The following ARHGAP4 variants were observed in gnomAD, a reference collection of about 807,000 sequenced individuals.
The protein encoded by ARHGAP4 is Rho GTPase activating protein 4, also known as rho GTPase-activating protein 4.
A neutral mutation model predicts 67.6 loss-of-function variants in ARHGAP4; 25 were observed. The ratio of observed to expected loss-of-function variants is 0.37; its 90% CI spans 0.27 to 0.52. The LOEUF (loss-of-function observed/expected upper bound fraction) is 0.52. Among genes scored for constraint, ARHGAP4 ranks in the 20% least tolerant of loss-of-function variants. The pLI is 0.92. For synonymous variants in ARHGAP4, 448 were observed against 373.7 expected, an observed-to-expected ratio of 1.20 and a Z score of -2.29; for missense variants, 804 against 854.6, an observed-to-expected ratio of 0.94 and a Z score of 0.74.
rs1557102054 is a variant in ARHGAP4, at chrX:153,909,184, G to A, written c.2508-15C>T. ...ATGGCTCTGGCCTGCAGGACAGACA[G>A]GGAGCCTGGTGGGGGCCCTGGGAAG... On this transcript the variant is annotated splice_polypyrimidine_tract_variant and intron_variant, in intron 20 of 21. Coordinates refer to ENST00000350060, the MANE Select transcript of ARHGAP4 (RefSeq NM_001666.5). 8.4e-7 allele frequency: 1 copy of A among 1,189,562 alleles called. No individual in the cohort carries two copies. Among genetic ancestry groups the A allele is most frequent in the Non-Finnish European group, 1.1e-6 (1 of 881,598 alleles).
intron 21 of ARHGAP4, 55 bp downstream of exon 21, chrX:153,909,015 G>C: frequency 8.7e-7 from 1 of 1,145,737 alleles, no homozygotes; most frequent in Admixed American, 2.2e-5. Flanking sequence ...CTTCCAAGGG[G>C]AGGCAGAGAT....
Position 153,910,739 on chromosome X carries a change from A to C in ARHGAP4, c.1777T>G (p.Phe593Val). The part of the protein sequence containing the change: ...LYFRSLEPPL[F>V]PPDLFGELLA... The stretch of plus-strand genomic sequence containing the variant: ...AGCTCGCCGAACAGGTCTGGGGGGA[A>C]GAGTGGGGGCTCCAGGCTCCGGAAG... The change falls in exon 15 of 22, where the codon TTC becomes GTC. Residue 593 changes from phenylalanine to valine, a missense_variant. Transcript: ENST00000350060. 8.4e-7 allele frequency: 1 copy of C among 1,194,400 alleles called. No individual in the cohort carries two copies. Among genetic ancestry groups the C allele is most frequent in the East Asian group, 3.0e-5 (1 of 33,052 alleles).
chrX:153,909,050 T>C lies in ARHGAP4; in HGVS notation c.2607+20A>G, dbSNP rs781897609. On this transcript the variant is annotated intron_variant, in intron 21 of 21. Transcript: ENST00000350060. Reference sequence around the variant, plus strand: ...TCCCCCAGGACAGATGTCCCTCACCTGCCACACACCCACTCTCACCTTATC... The same window carrying C: ...TCCCCCAGGACAGATGTCCCTCACCCGCCACACACCCACTCTCACCTTATC... 5 of 1,200,348 alleles carry C rather than the reference T, an allele frequency of 4.2e-6. No homozygotes were observed. In the African/African-American group the frequency reaches 8.7e-5, roughly 21 times the overall value.
chrX:153,926,000 C>T, intron 1 of ARHGAP4, 136 bp downstream of exon 1: 1 of 911,493 alleles, frequency 1.1e-6, no homozygotes, highest in Non-Finnish European at 1.5e-6. Context: ...GGGGCTCAGG[C>T]TCCCTCCTCC....
rs1424219597 is a variant in ARHGAP4 at position 153,923,737 on chromosome X, T to C, written c.68-1928A>G. ...CAAGGCCAGGTGGGGTGGGCGCTAATGCCATTTGAAATCAGGAGAGTCCTC... is the reference window on the plus strand; with the variant it reads ...CAAGGCCAGGTGGGGTGGGCGCTAACGCCATTTGAAATCAGGAGAGTCCTC... On this transcript the variant is annotated intron_variant, in intron 1 of 21. Coordinates refer to ENST00000350060, the MANE Select transcript of ARHGAP4 (RefSeq NM_001666.5). Among the ~76,000 whole-genome samples, 3 of 112,893 alleles carry C rather than the reference T, an allele frequency of 2.7e-5. No homozygotes were observed. The Admixed American group carries it at 2.8e-4, about 11-fold the overall frequency.
chrX:153,909,672 G>C, intron 19 of ARHGAP4, 69 bp downstream of exon 19: 2 of 1,111,524 alleles, frequency 1.8e-6, no homozygotes, highest in South Asian at 2.2e-5. Flanking sequence ...ATCTAACTTG[G>C]GGTCGGGGGA....
chrX:153,920,015 GA>G (rs1557104925), intron 5 of ARHGAP4, among the ~76,000 whole-genome samples: 1 of 111,469 alleles, frequency 9.0e-6, no homozygotes, highest in Non-Finnish European at 1.9e-5. Context: ...TTGAACTCCT[GA>G]CTTCGTGATC....
At chrX:153,926,081 C>T in intron 1 of ARHGAP4, 55 bp downstream of exon 1, 1 of 1,181,558 alleles carries the variant, frequency 8.5e-7, no homozygotes, top group Non-Finnish European at 1.1e-6. Flanking sequence ...GGAGCTCCCT[C>T]ACGACCTTGG....
chrX:153,909,957 G>A (rs146242010), intron 18 of ARHGAP4, 33 bp from the exon 19 acceptor site: 6 of 1,209,203 alleles, frequency 5.0e-6, no homozygotes, highest in Non-Finnish European at 3.4e-6. Context: ...GCTGTGGGAG[G>A]GGGTGTGGAC....
intron 13 of ARHGAP4, 42 bp downstream of exon 13, chrX:153,911,087 T>C (rs2065017641): frequency 1.7e-6 from 2 of 1,163,525 alleles, no homozygotes; most frequent in Non-Finnish European, 2.3e-6. Flanking sequence ...GGGAACTGGG[T>C]GCTGGGTGCC....
rs2065007117 is a variant in ARHGAP4, at chrX:153,910,098, G to T, written c.2157-13C>A. 4 of 1,210,678 alleles carry T rather than the reference G, an allele frequency of 3.3e-6. No homozygotes were observed. The highest frequency in any genetic ancestry group is 1.8e-5 in the South Asian group (1 of 56,888). ...CAGCTGGGCGTCCCTGAGGTTCAGGGCAGAGCGAGGCAGATGAGGGGGGCT... is the reference window on the plus strand; with the variant it reads ...CAGCTGGGCGTCCCTGAGGTTCAGGTCAGAGCGAGGCAGATGAGGGGGGCT... On this transcript the variant is annotated splice_polypyrimidine_tract_variant and intron_variant, in intron 17 of 21. Transcript: ENST00000350060.
intron 7 of ARHGAP4, among the ~76,000 whole-genome samples, chrX:153,917,241 A>T (rs1299352327): frequency 9.1e-6 from 1 of 109,389 alleles, no homozygotes; most frequent in Admixed American, 9.8e-5. Context: ...AAAATAAATT[A>T]AATTTAAAAA....
chrX:153,920,113 G>C (rs782615472), intron 5 of ARHGAP4, among the ~76,000 whole-genome samples: 2 of 112,033 alleles, frequency 1.8e-5, no homozygotes, highest in South Asian at 7.4e-4. Flanking sequence ...ACAGCAGCCA[G>C]GGAGACCTTC....
At chrX:153,921,854 T>C (rs1645387620) in intron 1 of ARHGAP4, 45 bp from the exon 2 acceptor site, 1 of 1,142,900 alleles carries the variant, frequency 8.7e-7, no homozygotes, top group South Asian at 1.9e-5. Context: ...ACGCCCTGCC[T>C]GGGTCAGCCA....
intron 5 of ARHGAP4, chrX:153,919,581 G>A: frequency 7.7e-6 from 9 of 1,163,447 alleles, no homozygotes; most frequent in Non-Finnish European, 1.0e-5. Flanking sequence ...TGAGTGGAAG[G>A]TGCGCACATG....
rs2064980436 is a variant in ARHGAP4 at position 153,907,693 on chromosome X, T to C, written c.*36A>G. On this transcript the variant is annotated 3_prime_UTR_variant, in exon 22 of 22. Coordinates refer to ENST00000350060, the MANE Select transcript of ARHGAP4 (RefSeq NM_001666.5). ...TGGGGAGAGTGGCCGGTCCAGCGGG[T>C]AGCCGCCGGGGGCACGCATCTCCAG... 3 of 797,127 alleles carry C rather than the reference T, an allele frequency of 3.8e-6. No homozygotes were observed. The highest frequency in any genetic ancestry group is 5.0e-6 in the Non-Finnish European group (3 of 598,541). 65.7% of individuals were successfully genotyped at this position (797,127 alleles called of 1,213,427 possible).
Position 153,921,679 on chromosome X carries a change from G to T in ARHGAP4, c.198C>A (p.Gly66=). 8.3e-7 allele frequency: 1 copy of T among 1,209,118 alleles called. No individual in the cohort carries two copies. Residue 66 remains glycine, a synonymous_variant, in exon 2 of 22, where the codon GGC becomes GGA. Transcript: ENST00000350060. ...RAEVELEYSR[G]LEKLAERFSS... ...AGAAGCGCTCGGCCAGCTTTTCCAG[G>T]CCCCGGGAGTATTCCAGCTCCACCT...
intron 20 of ARHGAP4, 132 bp downstream of exon 20, chrX:153,909,311 C>T: frequency 2.3e-6 from 2 of 881,137 alleles, no homozygotes; most frequent in Non-Finnish European, 3.1e-6. Context: ...CTCTCCCTGT[C>T]ACAAGCTGGG....
At chrX:153,920,369 C>T in intron 5 of ARHGAP4, 1 of 384,284 alleles carries the variant, frequency 2.6e-6, no homozygotes, top group East Asian at 4.2e-5. Context: ...TACGGAATGG[C>T]TGGCAGAACA....
Sources: allele counts gnomAD v4.1 joint callset (sites outside exome capture counted in the v4.1 genomes callset), GRCh38; gene constraint gnomAD v4.1.1; transcripts MANE v1.5; gene names NCBI Gene and HGNC (gene_info 2026-07-23, HGNC 2026-07-21).